Variants in RAD9B observed in about 807,000 individuals in gnomAD.
RAD9B encodes cell cycle checkpoint control protein RAD9B.
In RAD9B, 41 loss-of-function variants were observed where a neutral mutation model predicts 48.3. The ratio of observed to expected loss-of-function variants is 0.85; its 90% CI spans 0.66 to 1.10. RAD9B has a LOEUF of 1.10. Among genes scored for constraint, RAD9B ranks in the 50% least tolerant of loss-of-function variants. The pLI is 0.00. For missense variants in RAD9B, 444 were observed against 485.1 expected (o/e 0.92, Z 0.80); for synonymous variants, 160 against 157.9 (o/e 1.01, Z -0.10).
intron 10 of RAD9B, among the ~76,000 whole-genome samples, chr12:110,523,428 T>TA (rs200580332): frequency 3.3e-3 from 498 of 152,146 alleles, no homozygotes; most frequent in Non-Finnish European, 5.3e-3. Flanking sequence ...CACTGTTTCT[T>TA]AAAAAAATAA....
rs552756824 is a variant in RAD9B at position 110,507,095 on chromosome 12, C to T, written c.388+402C>T. 3.9e-5 allele frequency among the ~76,000 whole-genome samples: 6 copies of T among 152,122 alleles called. No homozygotes were observed. The South Asian group carries it at 1.0e-3, about 26-fold the overall frequency. ...CCTCAGGTGATCTGCCCACCTGCCT[C>T]GGCCTCCCAAAGTGCTGGGATGAGC... On this transcript the variant is annotated intron_variant, in intron 4 of 10. Transcript: ENST00000409300.
At chr12:110,502,513 A>G in intron 1 of RAD9B, 130 bp downstream of exon 1, 1 of 1,018,756 alleles carries the variant, frequency 9.8e-7, no homozygotes, top group East Asian at 2.6e-5. Context: ...CCCTGGCCAC[A>G]GCCCCACCCA....
At chr12:110,503,528 T>G in intron 1 of RAD9B, 1 of 329,632 alleles carries the variant, frequency 3.0e-6, no homozygotes, top group South Asian at 5.3e-5. Flanking sequence ...GTATGGAAAT[T>G]GGTTTGCACA....
intron 10 of RAD9B, among the ~76,000 whole-genome samples, chr12:110,529,450 T>A (rs182611557): frequency 1.3e-5 from 2 of 152,332 alleles, no homozygotes; most frequent in East Asian, 3.9e-4. Context: ...TGGCTATTTC[T>A]GTATTTTAAA....
rs199732022 is a variant in RAD9B at position 110,506,640 on chromosome 12, T to C, written c.335T>C (p.Ile112Thr). 3.8e-5 allele frequency: 61 copies of C among 1,606,022 alleles called. No individual in the cohort carries two copies. Among genetic ancestry groups the C allele is most frequent in the Middle Eastern group, 3.3e-4 (2 of 6,070 alleles). ...GAAAGAAATATAGAGAAGTGCAGAA[T>C]ATTCACCAGATCTGATAAATGCAAA... is the stretch of plus-strand genomic sequence containing the variant. ...SLERNIEKCR[I>T]FTRSDKCKVV... Residue 112 changes from isoleucine to threonine, a missense_variant, in exon 4 of 11, where the codon ATA (isoleucine) becomes ACA (threonine). Coordinates refer to ENST00000409300, the MANE Select transcript of RAD9B (RefSeq NM_001286535.2).
At chr12:110,512,558 C>T (rs1352451933) in intron 4 of RAD9B, among the ~76,000 whole-genome samples, 4 of 152,192 alleles carry the variant, frequency 2.6e-5, no homozygotes, top group African/African-American at 9.7e-5. Flanking sequence ...AGTCTGGGAA[C>T]TCTCCTGCCT....
chr12:110,513,692 ATATTATTATTAT>A (rs147828355), intron 5 of RAD9B, among the ~76,000 whole-genome samples: 38,556 of 140,388 alleles, frequency 0.27, 5,461 homozygotes, highest in South Asian at 0.52. Context: ...TATTGTTTTT[ATATTATTATTAT>A]TATTATTATT....
At chr12:110,515,458 C>T (rs562924371) in intron 6 of RAD9B, among the ~76,000 whole-genome samples, 10 of 152,020 alleles carry the variant, frequency 6.6e-5, no homozygotes, top group African/African-American at 2.2e-4. Flanking sequence ...GTCGGGAGTT[C>T]GAGACCAGCC....
At chr12:110,512,137 G>A (rs1227175954) in intron 4 of RAD9B, among the ~76,000 whole-genome samples, 3 of 150,116 alleles carry the variant, frequency 2.0e-5, no homozygotes, top group African/African-American at 7.4e-5. Context: ...GAGCCACCGT[G>A]CCTGGCCTTT....
Position 110,516,877 on chromosome 12 carries a change from T to C in RAD9B, c.595+1721T>C, listed in dbSNP as rs370272343. On this transcript the variant is annotated intron_variant, in intron 6 of 10. Coordinates refer to ENST00000409300, the MANE Select transcript of RAD9B (RefSeq NM_001286535.2). ...ATCTTTGTTCTTACTACTTATATAA[T>C]TGATATTCATTGAAGAAAATTAAAA... Among the ~76,000 whole-genome samples the C allele has an allele frequency of 8.5e-5, 13 of 152,174 alleles. No individual in the cohort carries two copies. The South Asian group carries it at 2.7e-3, about 32-fold the overall frequency.
intron 10 of RAD9B, among the ~76,000 whole-genome samples, chr12:110,529,771 T>C (rs1210234827): frequency 1.3e-5 from 2 of 152,150 alleles, no homozygotes; most frequent in Non-Finnish European, 2.9e-5. Context: ...TGAGAGGCAT[T>C]TGAGCATTTG....
At chr12:110,512,249 A>G (rs1459324436) in intron 4 of RAD9B, among the ~76,000 whole-genome samples, 1 of 151,204 alleles carries the variant, frequency 6.6e-6, no homozygotes, top group Non-Finnish European at 1.5e-5. Flanking sequence ...CCCAGGTTCA[A>G]GTGATTCTTG....
chr12:110,528,247 GGA>G (rs145085503), intron 10 of RAD9B, among the ~76,000 whole-genome samples: 4,484 of 152,256 alleles, frequency 0.029, 225 homozygotes, highest in African/African-American at 0.1. Context: ...GATGAGAAGT[GGA>G]GAGAGGCGGC....
At chr12:110,524,232 C>T (rs2063866200) in intron 10 of RAD9B, among the ~76,000 whole-genome samples, 1 of 152,152 alleles carries the variant, frequency 6.6e-6, no homozygotes, top group Non-Finnish European at 1.5e-5. Flanking sequence ...AAAGATTGAG[C>T]TAAAGATGCA....
Position 110,530,656 on chromosome 12 carries a change from C to G in RAD9B, c.*3C>G, listed in dbSNP as rs761822311. ...ATGGCAGTTTCTCTATATTCTAATG[C>G]TTAATGATGGCTGAGCTGGGCCCCA... is the stretch of plus-strand genomic sequence containing the variant. On this transcript the variant is annotated 3_prime_UTR_variant, in exon 11 of 11. Transcript: ENST00000409300. 1 of 1,613,788 alleles carries G rather than the reference C, an allele frequency of 6.2e-7. No individual in the cohort carries two copies.
chr12:110,515,403 G>A (rs1164130730), intron 6 of RAD9B, among the ~76,000 whole-genome samples: 1 of 152,226 alleles, frequency 6.6e-6, no homozygotes, highest in Non-Finnish European at 1.5e-5. Flanking sequence ...GCTCACGCCT[G>A]TAATCCCAGC....
chr12:110,507,330 GATTATATATATGTAT>G (rs1294867452), intron 4 of RAD9B, among the ~76,000 whole-genome samples: 4 of 143,412 alleles, frequency 2.8e-5, no homozygotes, highest in African/African-American at 7.7e-5. Context: ...CTAGCTGCTT[GATTATATATATGTAT>G]ATTATATATA....
intron 9 of RAD9B, among the ~76,000 whole-genome samples, 193 bp downstream of exon 9, chr12:110,520,109 T>G (rs901223059): frequency 6.6e-6 from 1 of 152,230 alleles, no homozygotes; most frequent in Non-Finnish European, 1.5e-5. Context: ...TGTCAGATAT[T>G]TGCTTTTTCT....
In RAD9B at chr12:110,532,804, T is replaced by C. The variant is rs1188934275; in HGVS notation, c.*2151T>C. ...GCCTACAGTATTCAGTACAGTAACA[T>C]GTTATACAGGTTTGTCGCCTAGGAG... On this transcript the variant is annotated 3_prime_UTR_variant, in exon 11 of 11. Coordinates refer to ENST00000409300, the MANE Select transcript of RAD9B (RefSeq NM_001286535.2). Among the ~76,000 whole-genome samples the C allele has an allele frequency of 1.3e-5, 2 of 152,250 alleles. No homozygotes were observed. The highest frequency in any genetic ancestry group is 6.5e-5 in the Admixed American group (1 of 15,286).
Sources: allele counts gnomAD v4.1 joint callset (sites outside exome capture counted in the v4.1 genomes callset), GRCh38; gene constraint gnomAD v4.1.1; transcripts MANE v1.5; gene names NCBI Gene and HGNC (gene_info 2026-07-23, HGNC 2026-07-21).